The following CLTCL1 variants were observed in gnomAD, a reference collection of about 807,000 sequenced individuals.
The protein encoded by CLTCL1 is clathrin heavy chain 2.
Under a neutral mutation model 190.0 loss-of-function variants are expected in CLTCL1, and 159 were observed. The observed-to-expected ratio is 0.84, with a 90% CI of 0.74 to 0.95. The LOEUF (loss-of-function observed/expected upper bound fraction) is 0.95. CLTCL1 is among the 40% of genes least tolerant of loss of function. CLTCL1 has a pLI of 0.00. For synonymous variants in CLTCL1, 752 were observed against 769.6 expected, an observed-to-expected ratio of 0.98 and a Z score of 0.38; for missense variants, 1,878 against 2,033.4, an observed-to-expected ratio of 0.92 and a Z score of 1.47.
Position 19,236,763 on chromosome 22 carries a change from G to A in CLTCL1, c.796-894C>T, listed in dbSNP as rs117544005. ...GGAGTTTGAGTCAAACCTGGGCAAC[G>A]TAGCAAGACTCCAACTCTAGAAAAA... is the stretch of plus-strand genomic sequence containing the variant. On this transcript the variant is annotated intron_variant, in intron 5 of 32. Coordinates refer to ENST00000427926, the MANE Select transcript of CLTCL1 (RefSeq NM_007098.4). Among the ~76,000 whole-genome samples the A allele has an allele frequency of 9.5e-4, 144 of 152,152 alleles. 2 individuals are homozygous for A. In the East Asian group the frequency reaches 0.024, roughly 25 times the overall value.
intron 2 of CLTCL1, among the ~76,000 whole-genome samples, chr22:19,272,807 C>A (rs566500350): frequency 7.2e-5 from 11 of 152,224 alleles, no homozygotes; most frequent in African/African-American, 2.2e-4. Flanking sequence ...GGGACAGGGT[C>A]TTGCTCTGTC....
chr22:19,260,025 T>C (rs908179117), intron 2 of CLTCL1, among the ~76,000 whole-genome samples: 27 of 152,236 alleles, frequency 1.8e-4, no homozygotes, highest in African/African-American at 6.3e-4. Flanking sequence ...AAAGTTGTAG[T>C]GGCCTGGATA....
At chr22:19,224,161 A>G (rs2085665797) in intron 13 of CLTCL1, 107 bp from the exon 14 acceptor site, 1 of 1,111,018 alleles carries the variant, frequency 9.0e-7, no homozygotes, top group Non-Finnish European at 1.3e-6. Context: ...CCAGGGACCC[A>G]CAGCACACTC....
At chr22:19,266,921 C>A (rs986287107) in intron 2 of CLTCL1, among the ~76,000 whole-genome samples, 10 of 152,174 alleles carry the variant, frequency 6.6e-5, no homozygotes, top group African/African-American at 7.2e-5. Context: ...AAAACTCCCC[C>A]CTAAGGTCAG....
chr22:19,215,371 T>C (rs1555948915), intron 19 of CLTCL1, among the ~76,000 whole-genome samples: 2 of 152,264 alleles, frequency 1.3e-5, no homozygotes, highest in Admixed American at 1.3e-4. Context: ...GCACTTATGA[T>C]GTGAGTTGAT....
intron 29 of CLTCL1, among the ~76,000 whole-genome samples, chr22:19,185,613 A>C (rs2084291050): frequency 6.6e-6 from 1 of 151,986 alleles, no homozygotes; most frequent in Non-Finnish European, 1.5e-5. Flanking sequence ...GGCATGAGCC[A>C]ACGCGCCCGG....
Position 19,242,823 on chromosome 22 carries a change from C to G in CLTCL1, c.633G>C (p.Lys211Asn), listed in dbSNP as rs782129846. The G allele has an allele frequency of 2.5e-6, 4 of 1,613,836 alleles. 1 individual carries two copies. The South Asian group carries it at 4.4e-5, about 18-fold the overall frequency. ...FAEFKMEGNA[K>N]PATLFCFAVR... ...CAGCAAAGCAGAAAAGGGTGGCAGG[C>G]TTGGCATTCCCCTCCATCTTGAACT... Residue 211 changes from lysine to asparagine, a missense_variant, in exon 4 of 33, where the codon AAG becomes AAC. Lys to Asn is a moderately conservative substitution (Grantham distance 94, BLOSUM62 0). Coordinates refer to ENST00000427926, the MANE Select transcript of CLTCL1 (RefSeq NM_007098.4).
rs1555929082 is a variant in CLTCL1, at chr22:19,187,715, G to A, written c.4448C>T (p.Ser1483Phe). 2 of 1,613,776 alleles carry A rather than the reference G, an allele frequency of 1.2e-6. No homozygotes were observed. Among genetic ancestry groups the A allele is most frequent in the East Asian group, 4.5e-5 (2 of 44,882 alleles). Reference protein sequence around the residue: ...EEEDYQGLRASIDAYDNFDNI... With the variant: ...EEEDYQGLRAFIDAYDNFDNI... ...GTCAAAGTTGTCATAGGCATCGATA[G>A]ATGCCCTTAAGCCCTAGGAAGACAG... Residue 1483 changes from serine (S) to phenylalanine (F), a missense_variant, in exon 29 of 33, where the codon TCT becomes TTT. Ser to Phe is a radical substitution (Grantham distance 155). Coordinates refer to ENST00000427926, the MANE Select transcript of CLTCL1 (RefSeq NM_007098.4).
At position 19,210,417 on chromosome 22, in the gene CLTCL1, A is replaced by G. The variant is rs1292358358; in HGVS notation, c.3158T>C (p.Leu1053Pro). 5 of 1,613,906 alleles carry G rather than the reference A, an allele frequency of 3.1e-6. No homozygotes were observed. The African/African-American group carries it at 4.0e-5, about 13-fold the overall frequency. The change falls in exon 20 of 33, where the codon CTG (leucine) becomes CCG (proline). Residue 1053 changes from leucine (L) to proline (P), a missense_variant. Coordinates refer to ENST00000427926, the MANE Select transcript of CLTCL1 (RefSeq NM_007098.4). Reference protein sequence around the residue: ...YISRLDNYDALDIASIAVSSA... With the variant: ...YISRLDNYDAPDIASIAVSSA... ...GCTGACAGCGATGCTCGCGATGTCC[A>G]GTGCGTCATAGTTGTCCAGGCGGCT... is the stretch of plus-strand genomic sequence containing the variant.
In CLTCL1 at chr22:19,196,369, AAC is replaced by A; in HGVS notation, c.4086_4087del (p.Phe1363ProfsTer3). ...ATACTCCTCGTACTTGTCATAGAGG[AAC>A]ACCAGCTCAGCCCACAGGTGTGCCT... is the stretch of plus-strand genomic sequence containing the variant. On this transcript the variant is annotated frameshift_variant, in exon 26 of 33. Coordinates refer to ENST00000427926, the MANE Select transcript of CLTCL1 (RefSeq NM_007098.4). LOFTEE classifies it high-confidence loss of function. 2 of 1,614,026 alleles carry A rather than the reference AAC, an allele frequency of 1.2e-6. No individual in the cohort carries two copies. The highest frequency in any genetic ancestry group is 1.6e-4 in the Middle Eastern group (1 of 6,062).
intron 21 of CLTCL1, 142 bp from the exon 22 acceptor site, chr22:19,208,453 G>T: frequency 1.0e-6 from 1 of 988,198 alleles, no homozygotes; most frequent in Non-Finnish European, 1.5e-6. Flanking sequence ...ATAACGTCTA[G>T]GAGGTCTTGA....
chr22:19,202,023 G>A (rs1555939916), intron 22 of CLTCL1, among the ~76,000 whole-genome samples: 1 of 152,022 alleles, frequency 6.6e-6, no homozygotes, highest in Non-Finnish European at 1.5e-5. Context: ...TGCCAGCCCT[G>A]GGAACCTTCC....
chr22:19,186,999 A>G (rs2084337724), intron 29 of CLTCL1, among the ~76,000 whole-genome samples: 1 of 150,198 alleles, frequency 6.7e-6, no homozygotes, highest in Non-Finnish European at 1.5e-5. Flanking sequence ...TGGTGTGATC[A>G]TAGCTCACTG....
In CLTCL1 at chr22:19,208,176, G is replaced by A; in HGVS notation, c.3578C>T (p.Pro1193Leu). The A allele has an allele frequency of 6.2e-7, 1 of 1,613,730 alleles. No homozygotes were observed. Among genetic ancestry groups the A allele is most frequent in the African/African-American group, 1.3e-5 (1 of 74,978 alleles). ...VSELEDFINGPNNAHIQQVGD... is the reference protein window; with the variant it reads ...VSELEDFINGLNNAHIQQVGD... ...TACCTGCTGGATGTGGGCATTGTTG[G>A]GTCCATTAATAAAATCTTCTAGCTC... The change falls in exon 22 of 33, where the codon CCC becomes CTC. Residue 1193 changes from proline to leucine, a missense_variant. Transcript: ENST00000427926.
chr22:19,230,097 G>GTTTTT lies in CLTCL1; in HGVS notation c.1645-123_1645-122insAAAAA, dbSNP rs374875733. 1.2e-4 allele frequency: 70 copies of GTTTTT among 565,590 alleles called. 11 individuals carry two copies. Among genetic ancestry groups the GTTTTT allele is most frequent in the Non-Finnish European group, 1.4e-4 (56 of 386,434 alleles). The allele number at this position is 565,590 out of a possible 1,614,324, so 35.0% of individuals were successfully genotyped here. ...AATTCAGCAATTAGTTCCCTCCCTT[G>GTTTTT]GTTTTTTTTTTTTTTTTGAGATGGA... On this transcript the variant is annotated intron_variant, in intron 10 of 32. Coordinates refer to ENST00000427926, the MANE Select transcript of CLTCL1 (RefSeq NM_007098.4).
intron 1 of CLTCL1, among the ~76,000 whole-genome samples, chr22:19,288,824 G>A (rs935477024): frequency 2.6e-5 from 4 of 152,254 alleles, no homozygotes; most frequent in Non-Finnish European, 5.9e-5. Context: ...GCCGCCCATG[G>A]GGCAGTGGGT....
chr22:19,248,983 T>C (rs1407849452), intron 3 of CLTCL1, among the ~76,000 whole-genome samples: 2 of 152,248 alleles, frequency 1.3e-5, no homozygotes, highest in East Asian at 1.9e-4. Context: ...AGACCTTGTA[T>C]TGAACAACTC....
Position 19,291,651 on chromosome 22 carries a change from G to C in CLTCL1, c.-10C>G. On this transcript the variant is annotated 5_prime_UTR_variant, in exon 1 of 33. Transcript: ENST00000427926. Reference sequence around the variant, plus strand: ...GGAGGATCTGCGCCATGGCTGGTGCGGGACCTCGGCGGCGGCGGCGGCAGC... The same window carrying C: ...GGAGGATCTGCGCCATGGCTGGTGCCGGACCTCGGCGGCGGCGGCGGCAGC... The C allele has an allele frequency of 7.2e-7, 1 of 1,382,980 alleles. No homozygotes were observed. Among genetic ancestry groups the C allele is most frequent in the African/African-American group, 1.5e-5 (1 of 66,226 alleles). The allele number at this position is 1,382,980 out of a possible 1,614,324, so 85.7% of individuals were successfully genotyped here. A position where few individuals can be genotyped will look rare whatever the true frequency, so the allele number is the denominator to read the frequency against.
intron 3 of CLTCL1, among the ~76,000 whole-genome samples, chr22:19,251,070 T>G (rs565485164): frequency 6.6e-6 from 1 of 152,284 alleles, no homozygotes; most frequent in Non-Finnish European, 1.5e-5. Flanking sequence ...TGAGGAGTAC[T>G]TCCATCCTAA....
Sources: allele counts gnomAD v4.1 joint callset (sites outside exome capture counted in the v4.1 genomes callset), GRCh38; gene constraint gnomAD v4.1.1; transcripts MANE v1.5; gene names NCBI Gene and HGNC (gene_info 2026-07-23, HGNC 2026-07-21).